Variants in CCDC171 observed in about 807,000 individuals in gnomAD.
CCDC171 encodes the protein coiled-coil domain-containing protein 171.
Under a neutral mutation model 168.2 loss-of-function variants are expected in CCDC171, and 177 were observed. That is an observed-to-expected ratio of 1.05 (90% confidence interval 0.93 to 1.19). The LOEUF (loss-of-function observed/expected upper bound fraction) is 1.19, where lower values mean the gene tolerates loss of function less well. Among genes scored for constraint, CCDC171 ranks in the 50% most tolerant of loss-of-function variants. The probability of loss-of-function intolerance (pLI) is 0.00; values close to 1 mark genes in which losing one functional copy is unlikely to be tolerated. For synonymous variants in CCDC171, 687 were observed against 540.8 expected, an observed-to-expected ratio of 1.27 and a Z score of -3.75; for missense variants, 1,991 against 1,539.0, an observed-to-expected ratio of 1.29 and a Z score of -4.91.
At chr9:15,989,328 G>C (rs1007658564) in intron 3 of CCDC171, among the ~76,000 whole-genome samples, 2 of 152,140 alleles carry the variant, frequency 1.3e-5, no homozygotes, top group Non-Finnish European at 2.9e-5. Flanking sequence ...ATCTGGAGTG[G>C]ACCTCCAGCA....
chr9:15,749,896 A>C (rs923321749), intron 18 of CCDC171, among the ~76,000 whole-genome samples: 1 of 152,202 alleles, frequency 6.6e-6, no homozygotes, highest in African/African-American at 2.4e-5. Context: ...ACACCCTAAC[A>C]TCACAATTAA....
chr9:15,800,598 C>CAG (rs1385098248), intron 21 of CCDC171, among the ~76,000 whole-genome samples: 4 of 152,042 alleles, frequency 2.6e-5, no homozygotes, highest in African/African-American at 4.8e-5. Context: ...TTTTGCTGTG[C>CAG]AGAAGCTTTT....
chr9:16,000,557 A>G (rs1376144802), intron 3 of CCDC171, among the ~76,000 whole-genome samples: 1 of 152,172 alleles, frequency 6.6e-6, no homozygotes, highest in Non-Finnish European at 1.5e-5. Flanking sequence ...AATTGAGGAG[A>G]GGGAAAAAGA....
chr9:15,803,784 T>A (rs796699077), intron 21 of CCDC171, among the ~76,000 whole-genome samples: 4 of 152,246 alleles, frequency 2.6e-5, no homozygotes, highest in African/African-American at 9.6e-5. Context: ...TTAAAATATT[T>A]TTTTCTTTTT....
intron 24 of CCDC171, among the ~76,000 whole-genome samples, chr9:15,900,814 C>T (rs1821528997): frequency 6.6e-6 from 1 of 152,102 alleles, no homozygotes; most frequent in Non-Finnish European, 1.5e-5. Flanking sequence ...CTCTGCTTTC[C>T]TGATTCTAGG....
intron 20 of CCDC171, 97 bp downstream of exon 20, chr9:15,779,247 C>A (rs2057523932): frequency 1.5e-6 from 1 of 659,960 alleles, no homozygotes; most frequent in Non-Finnish European, 2.2e-6. Context: ...TGTGGTTTTT[C>A]AAATAATTCA....
chr9:15,556,675 T>C (rs1477521134), intron 1 of CCDC171, among the ~76,000 whole-genome samples: 1 of 152,080 alleles, frequency 6.6e-6, no homozygotes, highest in Non-Finnish European at 1.5e-5. Context: ...AAAAATTTTC[T>C]CCCATTCTGT....
intron 7 of CCDC171, among the ~76,000 whole-genome samples, chr9:15,645,848 C>A (rs1345603073): frequency 6.6e-6 from 1 of 152,106 alleles, no homozygotes; most frequent in African/African-American, 2.4e-5. Flanking sequence ...GGAGAATTTC[C>A]CCAACCTAGT....
At chr9:15,793,551 GTT>G (rs3082839) in intron 21 of CCDC171, among the ~76,000 whole-genome samples, 102 of 77,018 alleles carry the variant, frequency 1.3e-3, no homozygotes, top group African/African-American at 6.2e-3. Context: ...TTATTCCAAG[GTT>G]TTTTTTTTTT....
At chr9:15,557,824 A>G (rs565174501) in intron 1 of CCDC171, among the ~76,000 whole-genome samples, 1 of 152,236 alleles carries the variant, frequency 6.6e-6, no homozygotes, top group South Asian at 2.1e-4. Flanking sequence ...CCAGTTTTCA[A>G]AGGGAATGTT....
At chr9:15,692,406 T>A (rs886753398) in intron 10 of CCDC171, among the ~76,000 whole-genome samples, 4 of 146,292 alleles carry the variant, frequency 2.7e-5, no homozygotes, top group Admixed American at 2.0e-4. Flanking sequence ...TTTGTTGGCT[T>A]ATTTACTTTT....
intron 21 of CCDC171, among the ~76,000 whole-genome samples, chr9:15,806,845 C>T (rs959987543): frequency 2.6e-5 from 4 of 152,042 alleles, no homozygotes; most frequent in South Asian, 2.1e-4. Context: ...TCTCTCCATC[C>T]CTTTGAGGGA....
At position 15,915,552 on chromosome 9, in the gene CCDC171, A is replaced by G. The variant is rs543632392; in HGVS notation, c.3601-4718A>G. Among the ~76,000 whole-genome samples, 11 of 152,292 alleles carry G rather than the reference A, an allele frequency of 7.2e-5. No homozygotes were observed. The South Asian group carries it at 2.1e-3, about 29-fold the overall frequency. ...GATTTTCTGGATAGAAGAATATATC[A>G]TCAGCGAGCAGGGATAATTTGACTT... On this transcript the variant is annotated intron_variant, in intron 24 of 25. Transcript: ENST00000380701.
At chr9:15,554,141 T>C (rs949508672) in intron 1 of CCDC171, among the ~76,000 whole-genome samples, 10 of 151,860 alleles carry the variant, frequency 6.6e-5, no homozygotes, top group Admixed American at 1.3e-4. Context: ...TGTCTCAGCC[T>C]CCCCAGCAGC....
At position 15,729,702 on chromosome 9, in the gene CCDC171, A is replaced by G. The variant is rs758789044; in HGVS notation, c.1953A>G (p.Glu651=). The G allele has an allele frequency of 3.7e-6, 6 of 1,613,620 alleles. No homozygotes were observed. The East Asian group carries it at 1.3e-4, about 36-fold the overall frequency. ...AAGACACCTTTACCAAAGTGGCAGA[A>G]CAGATCAAAGCCCAAGAGAGCTGCT... is the stretch of plus-strand genomic sequence containing the variant. ...TQEDTFTKVA[E]QIKAQESCWH... The change falls in exon 16 of 26, where the codon GAA becomes GAG. Residue 651 remains glutamate, a synonymous_variant. Transcript: ENST00000380701.
rs59883669 is a variant in CCDC171, at chr9:15,677,925, T to TATATAAA, written c.1077-832_1077-831insTATAAAA. ...ATATATATATATATATATATATATA[T>TATATAAA]AAGAGATGTGGTCTCATTCTGTTAC... On this transcript the variant is annotated intron_variant, in intron 9 of 25. Transcript: ENST00000380701. 2.4e-3 allele frequency among the ~76,000 whole-genome samples: 99 copies of TATATAAA among 41,854 alleles called. 10 individuals are homozygous for TATATAAA. The highest frequency in any genetic ancestry group is 8.7e-3 in the African/African-American group (87 of 9,944). 27.5% of individuals were successfully genotyped at this position (41,854 alleles called of 152,430 possible).
intron 25 of CCDC171, among the ~76,000 whole-genome samples, chr9:15,965,212 C>T (rs1438409552): frequency 6.6e-6 from 1 of 152,182 alleles, no homozygotes; most frequent in Non-Finnish European, 1.5e-5. Context: ...GTACCACAGG[C>T]ATTCAAATGT....
intron 24 of CCDC171, among the ~76,000 whole-genome samples, chr9:15,917,298 A>G (rs1384403408): frequency 6.6e-6 from 1 of 151,872 alleles, no homozygotes; most frequent in Non-Finnish European, 1.5e-5. Context: ...AGAGCATAGT[A>G]TATTTTATAC....
At chr9:15,801,473 G>C (rs2058817847) in intron 21 of CCDC171, among the ~76,000 whole-genome samples, 1 of 152,010 alleles carries the variant, frequency 6.6e-6, no homozygotes, top group African/African-American at 2.4e-5. Context: ...TTTGTATCCT[G>C]CAGCTTTAGT....
Sources: allele counts gnomAD v4.1 joint callset (sites outside exome capture counted in the v4.1 genomes callset), GRCh38; gene constraint gnomAD v4.1.1; transcripts MANE v1.5; gene names NCBI Gene and HGNC (gene_info 2026-07-23, HGNC 2026-07-21).